The following GOLGA1 variants were observed in gnomAD, a reference collection of about 807,000 sequenced individuals.
GOLGA1 encodes golgin A1, also known as golgin subfamily A member 1.
A neutral mutation model predicts 119.7 loss-of-function variants in GOLGA1; 63 were observed. The ratio of observed to expected loss-of-function variants is 0.53; its 90% CI spans 0.43 to 0.65. The LOEUF (loss-of-function observed/expected upper bound fraction) is 0.65. Ranked by LOEUF, GOLGA1 falls within the 30% of genes least tolerant of loss-of-function variation. The probability of loss-of-function intolerance (pLI) is 0.00; values close to 1 mark genes in which losing one functional copy is unlikely to be tolerated. For missense variants in GOLGA1, 798 were observed against 912.8 expected (o/e 0.87, Z 1.62); for synonymous variants, 318 against 333.4 (o/e 0.95, Z 0.50).
chr9:124,911,868 A>C (rs1457596056), intron 11 of GOLGA1, 33 bp downstream of exon 11: 2 of 1,599,110 alleles, frequency 1.3e-6, no homozygotes, highest in Admixed American at 1.7e-5. Flanking sequence ...CTGCCTTTCC[A>C]ACACCAGCCA....
chr9:124,882,180 G>A (rs925838802), intron 20 of GOLGA1, among the ~76,000 whole-genome samples: 2 of 152,172 alleles, frequency 1.3e-5, no homozygotes, highest in African/African-American at 4.8e-5. Context: ...GGGGCCTGAA[G>A]CTGCTCGCAT....
Position 124,880,538 on chromosome 9 carries a change from A to T in GOLGA1, c.2296T>A (p.Trp766Arg). 6.9e-6 allele frequency: 11 copies of T among 1,595,734 alleles called. No individual in the cohort carries two copies. Among genetic ancestry groups the T allele is most frequent in the Non-Finnish European group, 8.6e-6 (10 of 1,163,346 alleles). Residue 766 changes from tryptophan (W) to arginine (R), a missense_variant, in exon 23 of 23, where the codon TGG becomes AGG. By Grantham distance (101) the Trp-to-Arg change is moderately radical. Transcript: ENST00000373555. ...TCCTTGGGTAGTCCCCTCTAGGACCATGGTATCCGAGGGTTTGAGATAGAC... is the reference window on the plus strand; with the variant it reads ...TCCTTGGGTAGTCCCCTCTAGGACCTTGGTATCCGAGGGTTTGAGATAGAC... ...RPSISNPRIP[W>R]S
rs374570677 is a variant in GOLGA1, at chr9:124,929,196, A to G, written c.301+20T>C. The G allele has an allele frequency of 2.1e-6, 3 of 1,455,836 alleles. No homozygotes were observed. The highest frequency in any genetic ancestry group is 2.9e-6 in the Non-Finnish European group (3 of 1,035,934). 90.2% of individuals were successfully genotyped at this position (1,455,836 alleles called of 1,614,324 possible). On this transcript the variant is annotated intron_variant, in intron 5 of 22. Transcript: ENST00000373555. ...ACTAAACCTTGAAAAGATTGAAAAAAGCAGGAAAAAAATACGTACAATCCT... is the reference window on the plus strand; with the variant it reads ...ACTAAACCTTGAAAAGATTGAAAAAGGCAGGAAAAAAATACGTACAATCCT...
At chr9:124,935,738 G>C (rs1240445142) in intron 3 of GOLGA1, among the ~76,000 whole-genome samples, 6 of 147,252 alleles carry the variant, frequency 4.1e-5, no homozygotes, top group Non-Finnish European at 8.9e-5. Flanking sequence ...GGTCCAGCCT[G>C]GGCGACACAG....
At chr9:124,898,707 G>GAAAT in intron 14 of GOLGA1, 63 bp from the exon 15 acceptor site, 3 of 973,348 alleles carry the variant, frequency 3.1e-6, no homozygotes, top group Non-Finnish European at 4.9e-6. Flanking sequence ...TGGGCACAGG[G>GAAAT]AGCATGGACC....
rs187394708 is a variant in GOLGA1, at chr9:124,879,036, G to C, written c.*1494C>G. The stretch of plus-strand genomic sequence containing the variant: ...CTGGAAGGCAGAGAGCCTGAGCTGG[G>C]ACTAAGGAGATGCTGCCCTGACTTG... On this transcript the variant is annotated 3_prime_UTR_variant, in exon 23 of 23. Coordinates refer to ENST00000373555, the MANE Select transcript of GOLGA1 (RefSeq NM_002077.4). 1.3e-5 allele frequency: 2 copies of C among 152,240 alleles called. No homozygotes were observed. The highest frequency in any genetic ancestry group is 2.4e-5 in the African/African-American group (1 of 41,462). 9.4% of individuals were successfully genotyped at this position (152,240 alleles called of 1,614,324 possible). A position where few individuals can be genotyped will look rare whatever the true frequency, so the allele number is the denominator to read the frequency against.
Position 124,938,807 on chromosome 9 carries a change from C to T in GOLGA1, c.-96G>A, listed in dbSNP as rs77234623. ...ACAGAGGCGCCTACAAAGTTTCAGA[C>T]ATCCAAGCTAGCTGCATTCCCACTT... On this transcript the variant is annotated 5_prime_UTR_variant, in exon 3 of 23. The change abolishes an upstream ATG in the 5' untranslated region. Transcript: ENST00000373555. The T allele has an allele frequency of 7.7e-4, 790 of 1,026,970 alleles. 3 individuals carry two copies. In the African/African-American group the frequency reaches 9.9e-3, roughly 13 times the overall value. 63.6% of individuals were successfully genotyped at this position (1,026,970 alleles called of 1,614,324 possible).
rs16927762 is a variant in GOLGA1 at position 124,931,428 on chromosome 9, A to C, written c.136-22T>G. 11,277 of 1,207,856 alleles carry C rather than the reference A, an allele frequency of 9.3e-3. 682 individuals carry two copies. In the Admixed American group the frequency reaches 0.12, roughly 13 times the overall value. 74.8% of individuals were successfully genotyped at this position (1,207,856 alleles called of 1,614,324 possible). ...AAGCCTGTTGAGGTAGACACAAGGA[A>C]GGTCGTATTCATATATGTGTGAGAC... On this transcript the variant is annotated intron_variant, in intron 3 of 22. Transcript: ENST00000373555.
intron 10 of GOLGA1, among the ~76,000 whole-genome samples, chr9:124,920,134 T>G (rs996340084): frequency 2.0e-5 from 3 of 152,008 alleles, no homozygotes; most frequent in African/African-American, 7.2e-5. Context: ...CTTATTTTTA[T>G]TTTTAAAGAT....
chr9:124,905,393 C>T (rs903738810), intron 12 of GOLGA1, among the ~76,000 whole-genome samples: 2 of 151,862 alleles, frequency 1.3e-5, no homozygotes, highest in African/African-American at 2.4e-5. Flanking sequence ...ACCTGGGAAG[C>T]GGAGGTTGCA....
intron 15 of GOLGA1, among the ~76,000 whole-genome samples, chr9:124,897,621 G>A (rs1396165928): frequency 6.6e-6 from 1 of 152,180 alleles, no homozygotes; most frequent in East Asian, 1.9e-4. Context: ...GATTAGAGGC[G>A]TGAGCCACCG....
At position 124,880,503 on chromosome 9, in the gene GOLGA1, C is replaced by G; in HGVS notation, c.*27G>C. ...TTTTCACAGAAAAAGTGTCAACCCACGGAGCTCCATCCTTGGGTAGTCCCC... is the reference window on the plus strand; with the variant it reads ...TTTTCACAGAAAAAGTGTCAACCCAGGGAGCTCCATCCTTGGGTAGTCCCC... On this transcript the variant is annotated 3_prime_UTR_variant, in exon 23 of 23. Coordinates refer to ENST00000373555, the MANE Select transcript of GOLGA1 (RefSeq NM_002077.4). The G allele has an allele frequency of 1.5e-6, 2 of 1,315,814 alleles. No homozygotes were observed. The highest frequency in any genetic ancestry group is 2.3e-5 in the South Asian group (2 of 85,108). 81.5% of individuals were successfully genotyped at this position (1,315,814 alleles called of 1,614,324 possible).
At position 124,938,650 on chromosome 9, in the gene GOLGA1, C is replaced by T. The variant is rs762893374; in HGVS notation, c.62G>A (p.Gly21Asp). 50 of 1,612,986 alleles carry T rather than the reference C, an allele frequency of 3.1e-5. No homozygotes were observed. Among genetic ancestry groups the T allele is most frequent in the Non-Finnish European group, 4.2e-5 (49 of 1,179,052 alleles). The change falls in exon 3 of 23, where the codon GGT (glycine) becomes GAT (aspartate). Residue 21 changes from glycine to aspartate, a missense_variant. Transcript: ENST00000373555. ...EETAVAQRPG[G>D]ATRIPRSVSK... ...CACAGACCGTGGGATCCTAGTAGCACCTCCTGGCCTCTGAGCAACAGCAGT... is the reference window on the plus strand; with the variant it reads ...CACAGACCGTGGGATCCTAGTAGCATCTCCTGGCCTCTGAGCAACAGCAGT...
chr9:124,891,057 G>A (rs920724492), intron 15 of GOLGA1, among the ~76,000 whole-genome samples: 1 of 152,190 alleles, frequency 6.6e-6, no homozygotes, highest in African/African-American at 2.4e-5. Flanking sequence ...TCAGGAGGCC[G>A]AGGCGAGAGG....
At chr9:124,905,984 G>A (rs1048196466) in intron 12 of GOLGA1, among the ~76,000 whole-genome samples, 6 of 151,874 alleles carry the variant, frequency 4.0e-5, no homozygotes, top group African/African-American at 7.3e-5. Context: ...GTGGTGGCAC[G>A]TGCCTGTAAT....
At chr9:124,923,651 G>A (rs1405974675) in intron 7 of GOLGA1, among the ~76,000 whole-genome samples, 2 of 150,852 alleles carry the variant, frequency 1.3e-5, no homozygotes, top group Admixed American at 1.3e-4. Flanking sequence ...CAATTACGTA[G>A]AACTTTTTTT....
At chr9:124,909,608 C>CAAA (rs58372596) in intron 11 of GOLGA1, among the ~76,000 whole-genome samples, 2,190 of 87,208 alleles carry the variant, frequency 0.025, 83 homozygotes, top group African/African-American at 0.088. Flanking sequence ...GACTCCGTCT[C>CAAA]AAAAAAAAAA....
intron 11 of GOLGA1, among the ~76,000 whole-genome samples, chr9:124,910,316 C>T (rs756181208): frequency 9.9e-5 from 15 of 152,194 alleles, no homozygotes; most frequent in African/African-American, 2.9e-4. Context: ...CTGCCCGCCT[C>T]GGCTACCCAA....
chr9:124,922,833 T>C (rs1438277206), intron 8 of GOLGA1, among the ~76,000 whole-genome samples: 1 of 150,966 alleles, frequency 6.6e-6, no homozygotes, highest in African/African-American at 2.4e-5. Flanking sequence ...TGTGGGCTTA[T>C]AAGAGAATTT....
Sources: gnomAD v4.1 joint callset for allele counts (sites outside exome capture counted in the v4.1 genomes callset) on GRCh38, gnomAD v4.1.1 for gene constraint, MANE v1.5 for transcripts, NCBI Gene and HGNC (gene_info 2026-07-23, HGNC 2026-07-21) for gene names.